Variants in MCTP2 observed in about 807,000 individuals in gnomAD.
MCTP2 encodes the protein multiple C2 and transmembrane domain-containing protein 2.
A neutral mutation model predicts 111.6 loss-of-function variants in MCTP2; 132 were observed. The observed-to-expected ratio is 1.18, with a 90% CI of 1.03 to 1.37. The LOEUF (loss-of-function observed/expected upper bound fraction) is 1.37, where lower values mean the gene tolerates loss of function less well. Ranked by LOEUF, MCTP2 falls within the 40% of genes most tolerant of loss-of-function variation. The pLI, the probability that MCTP2 is intolerant of heterozygous loss-of-function variation, is 0.00. For synonymous variants in MCTP2, 395 were observed against 387.7 expected, an observed-to-expected ratio of 1.02 and a Z score of -0.22; for missense variants, 1,183 against 1,067.9, an observed-to-expected ratio of 1.11 and a Z score of -1.50.
At chr15:94,389,034 G>T (rs2080697591) in intron 14 of MCTP2, among the ~76,000 whole-genome samples, 1 of 152,292 alleles carries the variant, frequency 6.6e-6, no homozygotes, top group East Asian at 1.9e-4. Flanking sequence ...TTGCAGGAAG[G>T]CACCTGTGCA....
At chr15:94,262,253 T>C (rs569145315) in intron 1 of MCTP2, among the ~76,000 whole-genome samples, 12 of 152,342 alleles carry the variant, frequency 7.9e-5, no homozygotes, top group Non-Finnish European at 1.5e-4. Flanking sequence ...CCTTTTAATA[T>C]GTATAATGTT....
chr15:94,397,341 A>ATTCTT (rs1567619510), intron 14 of MCTP2, among the ~76,000 whole-genome samples: 1 of 152,204 alleles, frequency 6.6e-6, no homozygotes, highest in East Asian at 1.9e-4. Flanking sequence ...TTCTTCTGTT[A>ATTCTT]TTCTTTGCCA....
chr15:94,429,595 A>G (rs1449251873), intron 17 of MCTP2, among the ~76,000 whole-genome samples: 1 of 152,134 alleles, frequency 6.6e-6, no homozygotes, highest in Non-Finnish European at 1.5e-5. Flanking sequence ...TGTCTCTGGC[A>G]TTTCCTCAGG....
chr15:94,366,063 A>G (rs1045633795), intron 10 of MCTP2, among the ~76,000 whole-genome samples: 3 of 152,190 alleles, frequency 2.0e-5, no homozygotes, highest in Middle Eastern at 3.2e-3. Context: ...GTTTAAGGCA[A>G]TAGACATTTC....
At chr15:94,350,661 C>G (rs576424973) in intron 8 of MCTP2, among the ~76,000 whole-genome samples, 3 of 152,310 alleles carry the variant, frequency 2.0e-5, no homozygotes, top group South Asian at 2.1e-4. Context: ...CACACTACTC[C>G]CAGCCCTCGG....
chr15:94,466,306 T>C (rs1253164935), intron 20 of MCTP2, among the ~76,000 whole-genome samples: 2 of 152,152 alleles, frequency 1.3e-5, no homozygotes, highest in Admixed American at 6.6e-5. Flanking sequence ...CCTATATTCC[T>C]TGGATTTTCA....
intron 1 of MCTP2, among the ~76,000 whole-genome samples, chr15:94,245,191 TATG>T (rs2071729698): frequency 6.9e-6 from 1 of 144,532 alleles, no homozygotes; most frequent in Admixed American, 6.9e-5. Flanking sequence ...TATACACACA[TATG>T]TATGTATATA....
chr15:94,317,063 T>C (rs1417650469), intron 4 of MCTP2, among the ~76,000 whole-genome samples: 1 of 152,228 alleles, frequency 6.6e-6, no homozygotes, highest in African/African-American at 2.4e-5. Context: ...TGTACTGTTC[T>C]GTTTACCAAT....
chr15:94,259,542 T>A (rs1349489041), intron 1 of MCTP2, among the ~76,000 whole-genome samples: 1 of 152,212 alleles, frequency 6.6e-6, no homozygotes, highest in Non-Finnish European at 1.5e-5. Flanking sequence ...CTGTTCTATG[T>A]AGTAGTTATA....
In MCTP2 at chr15:94,292,148, C is replaced by T. The variant is rs186015878; in HGVS notation, c.-65-6053C>T. ...TAGTAAAACAATGAAAATTAAAAAC[C>T]CAAATCTGGTTCTTTGAAAAATAAT... On this transcript the variant is annotated intron_variant, in intron 1 of 22. Coordinates refer to ENST00000357742, the MANE Select transcript of MCTP2 (RefSeq NM_001385001.1). Among the ~76,000 whole-genome samples the T allele has an allele frequency of 4.0e-3, 609 of 151,850 alleles. 7 individuals carry two copies. The highest frequency in any genetic ancestry group is 0.014 in the African/African-American group (584 of 41,426).
In MCTP2 at chr15:94,355,957, A is replaced by C. The variant is rs1596459455; in HGVS notation, c.1006-180A>C. On this transcript the variant is annotated intron_variant, in intron 8 of 22. Coordinates refer to ENST00000357742, the MANE Select transcript of MCTP2 (RefSeq NM_001385001.1). ...TATATTATTACCACTCCAAAGCTTG[A>C]GAAGGAAGTCACATAACTGTGACAG... 3.2e-6 allele frequency: 4 copies of C among 1,266,072 alleles called. No individual in the cohort carries two copies. The African/African-American group carries it at 4.6e-5, about 15-fold the overall frequency. 78.4% of individuals were successfully genotyped at this position (1,266,072 alleles called of 1,614,324 possible).
chr15:94,445,930 T>C (rs1313963715), intron 19 of MCTP2, among the ~76,000 whole-genome samples: 1 of 152,242 alleles, frequency 6.6e-6, no homozygotes, highest in Non-Finnish European at 1.5e-5. Context: ...CTGTGGAAGA[T>C]AAAAGCGTGC....
chr15:94,460,222 G>T (rs575297520), intron 20 of MCTP2, among the ~76,000 whole-genome samples: 2 of 152,266 alleles, frequency 1.3e-5, no homozygotes, highest in East Asian at 3.9e-4. Flanking sequence ...AAGACAGACC[G>T]CAGGCAATTC....
chr15:94,378,849 A>G (rs1382266308), intron 12 of MCTP2, among the ~76,000 whole-genome samples: 2 of 152,060 alleles, frequency 1.3e-5, no homozygotes, highest in Non-Finnish European at 2.9e-5. Flanking sequence ...TCAACATTTC[A>G]TTTTCTTTTA....
intron 8 of MCTP2, 46 bp downstream of exon 8, chr15:94,345,210 G>A: frequency 6.4e-7 from 1 of 1,571,036 alleles, no homozygotes; most frequent in Non-Finnish European, 8.7e-7. Context: ...TAAAAACTTT[G>A]TCTTTGTAGC....
At chr15:94,301,545 G>C (rs2075612160) in intron 2 of MCTP2, among the ~76,000 whole-genome samples, 1 of 152,220 alleles carries the variant, frequency 6.6e-6, no homozygotes, top group African/African-American at 2.4e-5. Flanking sequence ...CTTTGTCTTT[G>C]TTTTCTAAGC....
intron 20 of MCTP2, among the ~76,000 whole-genome samples, chr15:94,460,260 C>G (rs2085103612): frequency 6.6e-6 from 1 of 152,096 alleles, no homozygotes; most frequent in Admixed American, 6.5e-5. Flanking sequence ...ATCAGCATCT[C>G]TGAGAATAGG....
intron 17 of MCTP2, among the ~76,000 whole-genome samples, chr15:94,418,292 A>C (rs927897045): frequency 1.3e-5 from 2 of 152,174 alleles, no homozygotes; most frequent in Non-Finnish European, 2.9e-5. Context: ...CGCTTCTGAA[A>C]TGAGTAAGAC....
At chr15:94,377,248 C>T (rs1332373359) in intron 12 of MCTP2, among the ~76,000 whole-genome samples, 1 of 152,176 alleles carries the variant, frequency 6.6e-6, no homozygotes, top group Non-Finnish European at 1.5e-5. Flanking sequence ...CTTAAAGATG[C>T]CCTATTTTCA....
Sources: allele counts gnomAD v4.1 joint callset (sites outside exome capture counted in the v4.1 genomes callset), GRCh38; gene constraint gnomAD v4.1.1; transcripts MANE v1.5; gene names NCBI Gene and HGNC (gene_info 2026-07-23, HGNC 2026-07-21).